Variants in SLC39A11 observed in about 807,000 individuals in gnomAD.
The protein encoded by SLC39A11 is zinc transporter ZIP11.
SLC39A11 carries 33 observed loss-of-function variants against 36.1 expected under a neutral mutation model. The ratio of observed to expected loss-of-function variants is 0.91; its 90% CI spans 0.69 to 1.22. The LOEUF (loss-of-function observed/expected upper bound fraction) is 1.22, where lower values mean the gene tolerates loss of function less well. Among genes scored for constraint, SLC39A11 ranks in the 50% most tolerant of loss-of-function variants. SLC39A11 has a pLI of 0.00. For synonymous variants in SLC39A11, 166 were observed against 170.3 expected (o/e 0.97, Z 0.20); for missense variants, 432 against 430.3 (o/e 1.00, Z -0.03).
chr17:72,854,116 C>T (rs2079514166), intron 5 of SLC39A11, among the ~76,000 whole-genome samples: 2 of 152,104 alleles, frequency 1.3e-5, no homozygotes, highest in South Asian at 2.1e-4. Context: ...TTCAATGAGT[C>T]CTCAATCCTT....
At chr17:73,092,209 A>C (rs566633082) in intron 1 of SLC39A11, 2 of 152,394 alleles carry the variant, frequency 1.3e-5, no homozygotes, top group Non-Finnish European at 2.9e-5. Context: ...GGTCCAGCTA[A>C]CAGCCAGAGC....
At chr17:73,047,259 C>T (rs1011323077) in intron 3 of SLC39A11, among the ~76,000 whole-genome samples, 2 of 151,792 alleles carry the variant, frequency 1.3e-5, no homozygotes, top group Admixed American at 6.6e-5. Context: ...CTCCTGACCT[C>T]GTGATCCGCC....
chr17:72,715,427 C>T (rs2073312000), intron 7 of SLC39A11, among the ~76,000 whole-genome samples: 1 of 152,142 alleles, frequency 6.6e-6, no homozygotes, highest in African/African-American at 2.4e-5. Flanking sequence ...AATGAACAAA[C>T]AAAATGATGC....
chr17:72,668,809 T>C (rs2070868247), intron 7 of SLC39A11, among the ~76,000 whole-genome samples: 1 of 152,222 alleles, frequency 6.6e-6, no homozygotes, highest in South Asian at 2.1e-4. Flanking sequence ...TAGGAGTTTA[T>C]AGCAATGGTC....
intron 5 of SLC39A11, among the ~76,000 whole-genome samples, chr17:72,929,337 A>G (rs958000196): frequency 6.6e-6 from 1 of 152,150 alleles, no homozygotes; most frequent in African/African-American, 2.4e-5. Flanking sequence ...TATACAAGAC[A>G]TGGCTACCCC....
At chr17:72,954,474 G>A (rs1056870106) in intron 4 of SLC39A11, among the ~76,000 whole-genome samples, 111 of 152,330 alleles carry the variant, frequency 7.3e-4, no homozygotes, top group African/African-American at 2.4e-3. Flanking sequence ...GGCTTGGGAC[G>A]TGCAGTTGCC....
chr17:72,854,022 T>C (rs1365948012), intron 5 of SLC39A11, among the ~76,000 whole-genome samples: 1 of 152,046 alleles, frequency 6.6e-6, no homozygotes, highest in Non-Finnish European at 1.5e-5. Flanking sequence ...GACTATTTCA[T>C]TTAGGGATGA....
intron 6 of SLC39A11, among the ~76,000 whole-genome samples, chr17:72,738,386 G>A (rs1228193772): frequency 6.6e-5 from 10 of 152,144 alleles, no homozygotes; most frequent in East Asian, 3.9e-4. Flanking sequence ...AGACAGATGC[G>A]GTCTACACTG....
At chr17:72,647,748 A>G (rs1325060130) in intron 9 of SLC39A11, 86 bp from the exon 10 acceptor site, 1 of 1,020,784 alleles carries the variant, frequency 9.8e-7, no homozygotes, top group Non-Finnish European at 1.5e-6. Flanking sequence ...GCAATGTCCA[A>G]TTCCAAGAGA....
chr17:72,647,574 C>T lies in SLC39A11; in HGVS notation c.*10G>A, dbSNP rs781437408. The T allele has an allele frequency of 1.9e-6, 3 of 1,612,426 alleles. No individual in the cohort carries two copies. Among genetic ancestry groups the T allele is most frequent in the African/African-American group, 1.3e-5 (1 of 74,994 alleles). The stretch of plus-strand genomic sequence containing the variant: ...GTATGGCCTTTCCCGGGGTCCGAAG[C>T]GTCTCAGCCCTAGCCCAGGCCAACG... On this transcript the variant is annotated 3_prime_UTR_variant, in exon 10 of 10. Transcript: ENST00000255559.
chr17:72,750,901 T>G (rs2075130305), intron 6 of SLC39A11, among the ~76,000 whole-genome samples: 1 of 152,212 alleles, frequency 6.6e-6, no homozygotes, highest in African/African-American at 2.4e-5. Flanking sequence ...CATGGCCTTG[T>G]TGGTCATGCC....
At chr17:72,714,975 C>A (rs1598423941) in intron 7 of SLC39A11, among the ~76,000 whole-genome samples, 1 of 152,212 alleles carries the variant, frequency 6.6e-6, no homozygotes, top group South Asian at 2.1e-4. Context: ...CACTTCACCT[C>A]GCATCTTGCA....
At chr17:72,865,012 C>T (rs2080230633) in intron 5 of SLC39A11, among the ~76,000 whole-genome samples, 1 of 152,018 alleles carries the variant, frequency 6.6e-6, no homozygotes. Flanking sequence ...AAAGATAAAC[C>T]AAAATCTCCC....
intron 7 of SLC39A11, among the ~76,000 whole-genome samples, chr17:72,724,841 C>T (rs2073857181): frequency 2.0e-5 from 3 of 151,908 alleles, no homozygotes; most frequent in African/African-American, 7.2e-5. Flanking sequence ...GATGATCTTT[C>T]AAAGTCATGT....
At chr17:73,020,614 C>T (rs2058308174) in intron 4 of SLC39A11, among the ~76,000 whole-genome samples, 1 of 152,048 alleles carries the variant, frequency 6.6e-6, no homozygotes, top group Non-Finnish European at 1.5e-5. Flanking sequence ...TGTTCATGAC[C>T]TCCCCAGGGG....
At chr17:72,682,609 T>G (rs1598331860) in intron 7 of SLC39A11, among the ~76,000 whole-genome samples, 1 of 152,204 alleles carries the variant, frequency 6.6e-6, no homozygotes, top group Non-Finnish European at 1.5e-5. Flanking sequence ...ACAGGTGGTT[T>G]TGAACTTCTT....
chr17:72,769,773 G>T (rs200592399), intron 6 of SLC39A11, among the ~76,000 whole-genome samples: 5 of 152,100 alleles, frequency 3.3e-5, no homozygotes, highest in Admixed American at 1.3e-4. Flanking sequence ...TCAATCTTTT[G>T]ACCTTGTGAT....
chr17:72,822,052 G>A (rs947239135), intron 6 of SLC39A11: 3 of 151,262 alleles, frequency 2.0e-5, no homozygotes, highest in African/African-American at 4.8e-5. Context: ...GGGACTGGCT[G>A]GGGCCATTTC....
intron 7 of SLC39A11, among the ~76,000 whole-genome samples, chr17:72,678,042 C>T (rs1004087834): frequency 6.6e-6 from 1 of 152,192 alleles, no homozygotes; most frequent in East Asian, 1.9e-4. Flanking sequence ...CATTCATCAA[C>T]TAATATCCCA....
Sources: allele counts gnomAD v4.1 joint callset (sites outside exome capture counted in the v4.1 genomes callset), GRCh38; gene constraint gnomAD v4.1.1; transcripts MANE v1.5; gene names NCBI Gene and HGNC (gene_info 2026-07-23, HGNC 2026-07-21).